Variants in PHLDB2 observed in about 807,000 individuals in gnomAD.
The protein encoded by PHLDB2 is pleckstrin homology like domain family B member 2.
Under a neutral mutation model 123.6 loss-of-function variants are expected in PHLDB2, and 71 were observed. The observed-to-expected ratio is 0.57, with a 90% CI of 0.47 to 0.70. The LOEUF is 0.70. PHLDB2 is among the 30% of genes least tolerant of loss of function. The probability of loss-of-function intolerance (pLI) is 0.00; values close to 1 mark genes in which losing one functional copy is unlikely to be tolerated. For missense variants in PHLDB2, 1,446 were observed against 1,519.5 expected (o/e 0.95, Z 0.80); for synonymous variants, 547 against 541.6 (o/e 1.01, Z -0.14).
At chr3:111,859,639 G>A (rs981494624) in intron 1 of PHLDB2, 63 bp downstream of exon 1, 2 of 984,952 alleles carry the variant, frequency 2.0e-6, no homozygotes, top group Non-Finnish European at 2.4e-6. Flanking sequence ...TGCCAGGAGT[G>A]CGTCCCGGGG....
Position 111,791,094 on chromosome 3 carries a change from A to T in PHLDB2, c.-48-54727A>T, listed in dbSNP as rs557686721. ...TGATTTAACCAGCTATGAATTATCA[A>T]TATTTAGATAGCTTCCAGATTTTCA... On this transcript the variant is annotated intron_variant, in intron 1 of 17. Coordinates refer to the PHLDB2 transcript ENST00000393923. Among the ~76,000 whole-genome samples the T allele has an allele frequency of 2.6e-5, 4 of 152,364 alleles. No individual in the cohort carries two copies. In the East Asian group the frequency reaches 7.7e-4, roughly 29 times the overall value.
At chr3:111,779,965 G>A (rs1289282346) in intron 1 of PHLDB2, 1 of 730,402 alleles carries the variant, frequency 1.4e-6, no homozygotes, top group East Asian at 1.3e-4. Flanking sequence ...AGGAAGAGGA[G>A]AGTCGAGGAC....
At chr3:111,869,701 G>GTC (rs1464897809) in intron 1 of PHLDB2, among the ~76,000 whole-genome samples, 45 of 40,466 alleles carry the variant, frequency 1.1e-3, no homozygotes, top group African/African-American at 2.2e-3. Flanking sequence ...ATGTGTGTCT[G>GTC]TCTCTGTGTG....
At chr3:111,852,995 G>A (rs572121424) in intron 2 of PHLDB2, among the ~76,000 whole-genome samples, 2 of 152,104 alleles carry the variant, frequency 1.3e-5, no homozygotes, top group Non-Finnish European at 2.9e-5. Context: ...CAAAAATTAG[G>A]TGTTTCCCTT....
intron 1 of PHLDB2, among the ~76,000 whole-genome samples, chr3:111,747,458 A>T (rs2059698785): frequency 3.9e-5 from 6 of 152,220 alleles, no homozygotes; most frequent in Admixed American, 3.9e-4. Flanking sequence ...TTCATGTAAA[A>T]GAAGGGACTT....
At chr3:111,867,156 C>T (rs1177266069) in intron 1 of PHLDB2, among the ~76,000 whole-genome samples, 2 of 151,944 alleles carry the variant, frequency 1.3e-5, no homozygotes, top group African/African-American at 4.8e-5. Context: ...TTTCAAACTT[C>T]TCCCAGTTAC....
At chr3:111,786,477 A>C (rs2108150461) in intron 1 of PHLDB2, among the ~76,000 whole-genome samples, 1 of 152,320 alleles carries the variant, frequency 6.6e-6, no homozygotes, top group South Asian at 2.1e-4. Context: ...TGTTAAACTG[A>C]TGACCTCTAA....
chr3:111,802,736 A>T (rs1353445654), intron 1 of PHLDB2, among the ~76,000 whole-genome samples: 1 of 152,184 alleles, frequency 6.6e-6, no homozygotes, highest in African/African-American at 2.4e-5. Flanking sequence ...AGCATCATGC[A>T]TTCTCTCTCT....
chr3:111,895,640 G>A (rs2066795380), intron 2 of PHLDB2, among the ~76,000 whole-genome samples: 1 of 152,188 alleles, frequency 6.6e-6, no homozygotes, highest in South Asian at 2.1e-4. Flanking sequence ...CTGCGGTCAG[G>A]AGTTCGAGAC....
intron 1 of PHLDB2, among the ~76,000 whole-genome samples, chr3:111,765,903 CAT>C (rs57359087): frequency 0.46 from 63,898 of 138,544 alleles, 14,140 homozygotes; most frequent in East Asian, 0.59. Context: ...CACACACACA[CAT>C]ACACATACAC....
rs1553736436 is a variant in PHLDB2 at position 111,831,005 on chromosome 3, G to GAAAGAAAGAAAGA, written c.-48-14813_-48-14801dup. Among the ~76,000 whole-genome samples, 8 of 92,850 alleles carry GAAAGAAAGAAAGA rather than the reference G, an allele frequency of 8.6e-5. 1 individual carries two copies. The highest frequency in any genetic ancestry group is 1.8e-4 in the African/African-American group (3 of 17,062). The allele number at this position is 92,850 out of a possible 152,430, so 60.9% of individuals were successfully genotyped here. A position where few individuals can be genotyped will look rare whatever the true frequency, so the allele number is the denominator to read the frequency against. On this transcript the variant is annotated intron_variant, in intron 1 of 17. Transcript: ENST00000393923. ...AGAAAGAAAGAAAGAAAGAAAGAAA[G>GAAAGAAAGAAAGA]AAAGAAAGAAAGAAAGAAAGAAAGA...
chr3:111,892,734 C>T (rs935539805), intron 2 of PHLDB2, among the ~76,000 whole-genome samples: 2 of 152,086 alleles, frequency 1.3e-5, no homozygotes, highest in Non-Finnish European at 2.9e-5. Context: ...TGGTGCTCTC[C>T]AAGGTCGTAC....
intron 1 of PHLDB2, among the ~76,000 whole-genome samples, chr3:111,860,879 A>G (rs2064802894): frequency 6.6e-6 from 1 of 152,186 alleles, no homozygotes; most frequent in African/African-American, 2.4e-5. Flanking sequence ...GAGTCTTTTT[A>G]GTGTAAATAT....
At chr3:111,824,438 T>C (rs9872438) in intron 1 of PHLDB2, among the ~76,000 whole-genome samples, 23,340 of 152,162 alleles carry the variant, frequency 0.15, 2,134 homozygotes, top group Non-Finnish European at 0.19. Flanking sequence ...ACAACCTCAA[T>C]AGCCTGACTA....
intron 6 of PHLDB2, among the ~76,000 whole-genome samples, chr3:111,935,522 G>GATAGATAA (rs2107583953): frequency 6.6e-6 from 1 of 151,862 alleles, no homozygotes; most frequent in East Asian, 1.9e-4. Context: ...TAGATAGATA[G>GATAGATAA]ATAGATAGAT....
chr3:111,859,843 C>T, intron 1 of PHLDB2: 2 of 985,942 alleles, frequency 2.0e-6, no homozygotes, highest in Non-Finnish European at 2.4e-6. Context: ...GCGGCGGCGC[C>T]AGCGTAGAGC....
At chr3:111,962,929 C>CAAAAAAAAAAAAAAA (rs57625439) in intron 13 of PHLDB2, among the ~76,000 whole-genome samples, 3 of 93,820 alleles carry the variant, frequency 3.2e-5, no homozygotes, top group Non-Finnish European at 4.3e-5. Context: ...AACTCCATCT[C>CAAAAAAAAAAAAAAA]AAAAAAAAAA....
At chr3:111,796,252 A>G (rs764355615) in intron 1 of PHLDB2, among the ~76,000 whole-genome samples, 4 of 152,134 alleles carry the variant, frequency 2.6e-5, no homozygotes, top group Non-Finnish European at 5.9e-5. Context: ...TTTCATTTTT[A>G]CTAGATGTAG....
intron 1 of PHLDB2, among the ~76,000 whole-genome samples, chr3:111,794,794 T>C (rs1204314927): frequency 6.6e-6 from 1 of 152,214 alleles, no homozygotes; most frequent in East Asian, 1.9e-4. Flanking sequence ...GATCAACCCT[T>C]GCCATTCTCA....
Sources: gnomAD v4.1 joint callset for allele counts (sites outside exome capture counted in the v4.1 genomes callset) on GRCh38, gnomAD v4.1.1 for gene constraint, MANE v1.5 for transcripts, NCBI Gene and HGNC (gene_info 2026-07-23, HGNC 2026-07-21) for gene names.